ARHGEF2: variants seen among roughly 807,000 people sequenced by gnomAD.
ARHGEF2 encodes Rho/Rac guanine nucleotide exchange factor 2.
A neutral mutation model predicts 121.0 loss-of-function variants in ARHGEF2; 22 were observed. The ratio of observed to expected loss-of-function variants is 0.18; its 90% CI spans 0.13 to 0.26. The LOEUF (loss-of-function observed/expected upper bound fraction) is 0.26. Ranked by LOEUF, ARHGEF2 falls within the 10% of genes least tolerant of loss-of-function variation. The pLI is 1.00. For missense variants in ARHGEF2, 907 were observed against 1,336.0 expected (o/e 0.68, Z 5.01); for synonymous variants, 487 against 530.0 (o/e 0.92, Z 1.11).
At chr1:155,968,207 T>C (rs954905574) in intron 2 of ARHGEF2, 13 of 150,928 alleles carry the variant, frequency 8.6e-5, no homozygotes, top group South Asian at 4.2e-4. Context: ...TCTTTCTTTT[T>C]TTTTTTTTTT....
chr1:155,950,257 G>T lies in ARHGEF2; in HGVS notation c.2887+42C>A. On this transcript the variant is annotated intron_variant, in intron 21 of 21. Transcript: ENST00000361247. The surrounding 1 kb of genome is among the most constrained non-coding windows in gnomAD (Gnocchi z 5.2). The stretch of plus-strand genomic sequence containing the variant: ...CCACAGCCCAATGGCCTGTACCCAG[G>T]CTGCACTCTACCTCTGGTCCATGTC... 3 of 1,604,386 alleles carry T rather than the reference G, an allele frequency of 1.9e-6. No homozygotes were observed. Among genetic ancestry groups the T allele is most frequent in the African/African-American group, 2.7e-5 (2 of 74,938 alleles).
At chr1:155,966,246 C>T (rs556310955) in intron 4 of ARHGEF2, among the ~76,000 whole-genome samples, 170 bp downstream of exon 4, 11 of 152,158 alleles carry the variant, frequency 7.2e-5, no homozygotes, top group Non-Finnish European at 1.6e-4. Flanking sequence ...CCCCTTCTGC[C>T]TCTAAGTCCA....
intron 1 of ARHGEF2, chr1:155,972,328 T>G (rs1356116301): frequency 2.2e-6 from 1 of 460,260 alleles, no homozygotes; most frequent in Non-Finnish European, 4.4e-6. Flanking sequence ...CATCCCAGCA[T>G]GGGCACTGCC....
At chr1:155,976,979 C>T (rs1681412818) in intron 1 of ARHGEF2, among the ~76,000 whole-genome samples, 1 of 152,174 alleles carries the variant, frequency 6.6e-6, no homozygotes, top group African/African-American at 2.4e-5. Flanking sequence ...CCTCCACCCC[C>T]AACCCAGGAT....
In ARHGEF2 at chr1:155,961,880, T is replaced by C; in HGVS notation, c.1249A>G (p.Thr417Ala). The change falls in exon 11 of 22, where the codon ACA (threonine) becomes GCA (alanine). Residue 417 changes from threonine (T) to alanine (A), a missense_variant. Transcript: ENST00000361247. The surrounding 1 kb of genome is among the most constrained non-coding windows in gnomAD (Gnocchi z 4.7). ...GIEEERQDLT[T>A]ALGLVKELLS... The stretch of plus-strand genomic sequence containing the variant: ...AGCTCCTTCACTAGCCCCAGTGCTG[T>C]GGTCAGGTCCTGGCGCTCCTCCTCG... 1 of 1,614,178 alleles carries C rather than the reference T, an allele frequency of 6.2e-7. No individual in the cohort carries two copies. The highest frequency in any genetic ancestry group is 8.5e-7 in the Non-Finnish European group (1 of 1,180,036).
Position 155,965,881 on chromosome 1 carries a change from C to G in ARHGEF2, c.341-121G>C. ...CTCACTCCACCTCAGCCCCTCTAGT[C>G]AAGAAAGATGGTAATGAGAATGCCA... On this transcript the variant is annotated intron_variant, in intron 4 of 21. Transcript: ENST00000361247. The surrounding 1 kb of genome is among the most constrained non-coding windows in gnomAD (Gnocchi z 6.0). The G allele has an allele frequency of 8.0e-7, 1 of 1,243,182 alleles. No individual in the cohort carries two copies. The highest frequency in any genetic ancestry group is 1.1e-6 in the Non-Finnish European group (1 of 934,136). The allele number at this position is 1,243,182 out of a possible 1,614,324, so 77.0% of individuals were successfully genotyped here.
At chr1:155,956,062 G>A (rs999970757) in intron 13 of ARHGEF2, among the ~76,000 whole-genome samples, 1 of 151,994 alleles carries the variant, frequency 6.6e-6, no homozygotes, top group African/African-American at 2.4e-5. Flanking sequence ...TCTGTCAACA[G>A]GACAGGTTAT....
chr1:155,965,311 A>G lies in ARHGEF2; in HGVS notation c.572T>C (p.Ile191Thr), dbSNP rs1679143041. ...GGCCCAGGCCTGCTCACCTTCGTCA[A>G]TGAGGGATTCCACGGATAGGGTTCG... The part of the protein sequence containing the change: ...RNRTLSVESL[I>T]DEAEVIYSEL... The change falls in exon 6 of 22, where the codon ATT becomes ACT. Residue 191 changes from isoleucine to threonine, a missense_variant. Around this residue, in one of 2 missense-constraint regions of ARHGEF2, gnomAD observed 475 missense variants for 776.5 expected, o/e 0.61. Coordinates refer to ENST00000361247, the MANE Select transcript of ARHGEF2 (RefSeq NM_001162383.2). The surrounding 1 kb of genome is among the most constrained non-coding windows in gnomAD (Gnocchi z 6.0). 6.2e-7 allele frequency: 1 copy of G among 1,613,952 alleles called. No homozygotes were observed. Among genetic ancestry groups the G allele is most frequent in the Non-Finnish European group, 8.5e-7 (1 of 1,179,962 alleles).
At chr1:155,966,680 T>TG in intron 3 of ARHGEF2, 140 bp downstream of exon 3, 1 of 1,116,716 alleles carries the variant, frequency 9.0e-7, no homozygotes, top group Non-Finnish European at 1.3e-6. Flanking sequence ...GCCCGAGGCC[T>TG]GGGGTTGAGG....
At chr1:155,970,087 C>G (rs1680174433) in intron 1 of ARHGEF2, 5 of 985,470 alleles carry the variant, frequency 5.1e-6, no homozygotes, top group South Asian at 4.7e-5. Flanking sequence ...TGCAGTCTAA[C>G]TTTTATCCCT....
chr1:155,958,276 A>G, intron 12 of ARHGEF2, 44 bp downstream of exon 12: 1 of 1,555,432 alleles, frequency 6.4e-7, no homozygotes, highest in Non-Finnish European at 8.9e-7. Flanking sequence ...GAAGAGACTA[A>G]AACACTTGTC....
chr1:155,958,924 C>T (rs1014108519), intron 11 of ARHGEF2, among the ~76,000 whole-genome samples: 6 of 126,200 alleles, frequency 4.8e-5, no homozygotes, highest in Admixed American at 3.4e-4. Context: ...GGGTGGGGGG[C>T]GGGCAGGGTG....
rs779585153 is a variant in ARHGEF2, at chr1:155,950,980, C to T, written c.2552G>A (p.Arg851His). 4.4e-6 allele frequency: 7 copies of T among 1,608,610 alleles called. No individual in the cohort carries two copies. Among genetic ancestry groups the T allele is most frequent in the East Asian group, 2.2e-5 (1 of 44,794 alleles). ...ESEQARALLE[R>H]EAEEARRQLA... ...CTGCCTTCGAGCCTCTTCGGCCTCA[C>T]GCTCCAGCAGTGCCCGGGCCTGCTC... Residue 851 changes from arginine to histidine, a missense_variant, in exon 20 of 22, where the codon CGT (arginine) becomes CAT (histidine). Arg to His is a conservative substitution (Grantham distance 29). This residue lies in a region of ARHGEF2 where 432 missense variants were observed against 559.5 expected (regional missense o/e 0.77). Coordinates refer to ENST00000361247, the MANE Select transcript of ARHGEF2 (RefSeq NM_001162383.2). This position sits in a 1 kb window ranked among gnomAD's most constrained non-coding sequence, Gnocchi z 5.2.
rs551116566 is a variant in ARHGEF2 at position 155,947,867 on chromosome 1, C to A, written c.*75G>T. On this transcript the variant is annotated 3_prime_UTR_variant, in exon 22 of 22. Coordinates refer to ENST00000361247, the MANE Select transcript of ARHGEF2 (RefSeq NM_001162383.2). ...CTTTCAAATGTTCCCTCATCATTGGCAAATTGGAGTCCCCAAGGTTAGCCC... is the reference window on the plus strand; with the variant it reads ...CTTTCAAATGTTCCCTCATCATTGGAAAATTGGAGTCCCCAAGGTTAGCCC... The A allele has an allele frequency of 4.2e-4, 359 of 850,514 alleles. No homozygotes were observed. The African/African-American group carries it at 5.0e-3, about 12-fold the overall frequency. The allele number at this position is 850,514 out of a possible 1,614,324, so 52.7% of individuals were successfully genotyped here.
At chr1:155,964,161 A>C (rs1341661352) in intron 7 of ARHGEF2, among the ~76,000 whole-genome samples, 1 of 57,238 alleles carries the variant, frequency 1.7e-5, no homozygotes, top group Non-Finnish European at 3.2e-5. Flanking sequence ...AAAAAAAAAA[A>C]AAAAAAATAT....
intron 15 of ARHGEF2, among the ~76,000 whole-genome samples, 196 bp downstream of exon 15, chr1:155,952,432 C>T (rs1039504686): frequency 6.6e-6 from 1 of 152,220 alleles, no homozygotes; most frequent in Non-Finnish European, 1.5e-5. Flanking sequence ...GCAGCATGGA[C>T]GATATGGAGC....
At chr1:155,968,304 G>C (rs926056517) in intron 2 of ARHGEF2, 2 of 151,594 alleles carry the variant, frequency 1.3e-5, no homozygotes, top group African/African-American at 4.9e-5. Context: ...GCCCATCACT[G>C]GTCCTTTCTG....
intron 21 of ARHGEF2, 50 bp from the exon 22 acceptor site, chr1:155,948,065 GA>G (rs1222981335): frequency 1.2e-5 from 18 of 1,473,548 alleles, no homozygotes; most frequent in Non-Finnish European, 1.7e-5. Context: ...CTCCCATGAG[GA>G]ACTGTACCCC....
At chr1:155,966,777 C>T in intron 3 of ARHGEF2, 43 bp downstream of exon 3, 2 of 1,548,274 alleles carry the variant, frequency 1.3e-6, no homozygotes, top group Non-Finnish European at 1.8e-6. Context: ...ACCGCACACT[C>T]ACTACCCTCT....
Sources: gnomAD v4.1 joint callset for allele counts (sites outside exome capture counted in the v4.1 genomes callset) on GRCh38, gnomAD v4.1.1 for gene constraint, gnomAD v4.1.1 regional missense constraint, Gnocchi (gnomAD v3.1) non-coding constraint, MANE v1.5 for transcripts, NCBI Gene and HGNC (gene_info 2026-07-23, HGNC 2026-07-21) for gene names.